The following FRMD5 variants were observed in gnomAD, a reference collection of about 807,000 sequenced individuals.
The protein encoded by FRMD5 is FERM domain containing 5.
In FRMD5, 20 loss-of-function variants were observed where a neutral mutation model predicts 69.0. That is an observed-to-expected ratio of 0.29 (90% CI 0.20 to 0.42). FRMD5 has a LOEUF of 0.42. Ranked by LOEUF, FRMD5 falls within the 10% of genes least tolerant of loss-of-function variation. The pLI, the probability that FRMD5 is intolerant of heterozygous loss-of-function variation, is 1.00. For missense variants in FRMD5, 595 were observed against 708.6 expected (o/e 0.84, Z 1.82); for synonymous variants, 271 against 260.1 (o/e 1.04, Z -0.40).
At chr15:44,055,651 A>G (rs1381828092) in intron 1 of FRMD5, among the ~76,000 whole-genome samples, 1 of 152,220 alleles carries the variant, frequency 6.6e-6, no homozygotes, top group African/African-American at 2.4e-5. Flanking sequence ...TCTTCAGGAA[A>G]GGAAATATGA....
chr15:43,997,421 T>A lies in FRMD5; in HGVS notation c.103-73112A>T, dbSNP rs1271678094. Among the ~76,000 whole-genome samples, 3 of 152,240 alleles carry A rather than the reference T, an allele frequency of 2.0e-5. 1 individual carries two copies. On this transcript the variant is annotated intron_variant, in intron 1 of 13. Transcript: ENST00000417257. ...CAAGCTCAAAAGAAATTCCCCATTCTGCAGTAAGGTTGCAAAGGATATATT... is the reference window on the plus strand; with the variant it reads ...CAAGCTCAAAAGAAATTCCCCATTCAGCAGTAAGGTTGCAAAGGATATATT...
intron 1 of FRMD5, among the ~76,000 whole-genome samples, chr15:44,089,976 T>C (rs538165040): frequency 6.6e-6 from 1 of 152,192 alleles, no homozygotes; most frequent in East Asian, 1.9e-4. Context: ...AGCAAAGGCC[T>C]CCATCACAGT....
At chr15:44,066,761 T>G (rs2140400172) in intron 1 of FRMD5, among the ~76,000 whole-genome samples, 1 of 152,202 alleles carries the variant, frequency 6.6e-6, no homozygotes, top group South Asian at 2.1e-4. Flanking sequence ...AAGGGGAGAC[T>G]TTGGAGTTGG....
intron 1 of FRMD5, among the ~76,000 whole-genome samples, chr15:44,108,848 C>T (rs1371126335): frequency 1.3e-5 from 2 of 151,830 alleles, no homozygotes; most frequent in African/African-American, 4.8e-5. Context: ...GTAGTCCCAG[C>T]TACTTGGGAG....
intron 1 of FRMD5, among the ~76,000 whole-genome samples, chr15:44,082,753 T>C (rs1220874368): frequency 2.0e-5 from 3 of 151,974 alleles, no homozygotes; most frequent in Non-Finnish European, 1.5e-5. Context: ...ATGTTGGTAC[T>C]TAGAGGAAAA....
rs937434931 is a variant in FRMD5, at chr15:43,912,296, A to G, written c.330-2317T>C. On this transcript the variant is annotated intron_variant, in intron 4 of 13. Coordinates refer to ENST00000417257, the MANE Select transcript of FRMD5 (RefSeq NM_032892.5). ...CTACTCTGCCCAAATGTTTGCCAAG[A>G]AAAACGAAAGGAAAAAAGACATCAT... 5.9e-5 allele frequency among the ~76,000 whole-genome samples: 9 copies of G among 152,280 alleles called. No homozygotes were observed. In the Middle Eastern group the frequency reaches 0.014, roughly 230 times the overall value.
intron 1 of FRMD5, among the ~76,000 whole-genome samples, chr15:44,115,339 GCACTACT>G (rs1288934256): frequency 1.3e-5 from 2 of 152,062 alleles, no homozygotes; most frequent in Non-Finnish European, 2.9e-5. Context: ...GTAGTTTTCT[GCACTACT>G]CAAACATATA....
chr15:43,910,292 A>C (rs1431328104), intron 4 of FRMD5, among the ~76,000 whole-genome samples: 1 of 152,060 alleles, frequency 6.6e-6, no homozygotes, highest in Non-Finnish European at 1.5e-5. Flanking sequence ...GCCCCAGTCG[A>C]TCTGGTGCCG....
At chr15:43,927,860 G>A (rs1300329595) in intron 1 of FRMD5, among the ~76,000 whole-genome samples, 2 of 152,090 alleles carry the variant, frequency 1.3e-5, no homozygotes, top group African/African-American at 2.4e-5. Context: ...GATAGCTATA[G>A]GGAAAACATG....
At chr15:44,181,501 A>G (rs1452077989) in intron 1 of FRMD5, among the ~76,000 whole-genome samples, 3 of 152,160 alleles carry the variant, frequency 2.0e-5, no homozygotes, top group African/African-American at 7.2e-5. Context: ...TTAGCACTGA[A>G]ATTTAATTCA....
At chr15:44,080,496 C>T (rs897052117) in intron 1 of FRMD5, among the ~76,000 whole-genome samples, 2 of 152,040 alleles carry the variant, frequency 1.3e-5, no homozygotes, top group East Asian at 1.9e-4. Flanking sequence ...CATTTCTCTA[C>T]TCAAAAGTTG....
chr15:43,962,380 A>C (rs1222594358), intron 1 of FRMD5, among the ~76,000 whole-genome samples: 1 of 152,226 alleles, frequency 6.6e-6, no homozygotes, highest in South Asian at 2.1e-4. Flanking sequence ...GGAGAACTAC[A>C]AACCACTGTT....
intron 1 of FRMD5, among the ~76,000 whole-genome samples, chr15:44,136,939 A>T (rs1029469644): frequency 9.8e-5 from 15 of 152,338 alleles, no homozygotes; most frequent in South Asian, 6.2e-4. Flanking sequence ...ATAAAAAATT[A>T]AAAAAATTCT....
intron 1 of FRMD5, among the ~76,000 whole-genome samples, chr15:43,941,450 T>A (rs1040085645): frequency 5.9e-5 from 9 of 152,246 alleles, no homozygotes; most frequent in African/African-American, 1.7e-4. Flanking sequence ...AAGTTTTAGA[T>A]GCTCTTTTCT....
chr15:43,957,464 C>T (rs1324857555), intron 1 of FRMD5, among the ~76,000 whole-genome samples: 1 of 152,210 alleles, frequency 6.6e-6, no homozygotes, highest in Non-Finnish European at 1.5e-5. Flanking sequence ...TCCCAAAGTG[C>T]TGGGATTATG....
chr15:43,874,319 C>T lies in FRMD5; in HGVS notation c.1279G>A (p.Ala427Thr), dbSNP rs758583807. 2.5e-6 allele frequency: 4 copies of T among 1,614,098 alleles called. No individual in the cohort carries two copies. The highest frequency in any genetic ancestry group is 8.5e-7 in the Non-Finnish European group (1 of 1,180,050). Residue 427 changes from alanine to threonine, a missense_variant, in exon 14 of 14, where the codon GCA becomes ACA. Coordinates refer to ENST00000417257, the MANE Select transcript of FRMD5 (RefSeq NM_032892.5). ...AVIADEAYSP[A>T]DSVLPTPVAE... is the part of the protein sequence containing the mutation. Reference sequence around the variant, plus strand: ...ACAGGGGTGGGCAGCACGCTGTCTGCAGGGCTGTAGGCCTCGTCTGCAATC... The same window carrying T: ...ACAGGGGTGGGCAGCACGCTGTCTGTAGGGCTGTAGGCCTCGTCTGCAATC...
rs188433588 is a variant in FRMD5, at chr15:44,002,903, A to T, written c.103-78594T>A. Among the ~76,000 whole-genome samples, 12 of 152,106 alleles carry T rather than the reference A, an allele frequency of 7.9e-5. No homozygotes were observed. The East Asian group carries it at 2.3e-3, about 29-fold the overall frequency. ...TAGTCTCCCCCCTTTCCATACTTGT[A>T]ACTCCCTTTTCTAACAATGAGAGAC... On this transcript the variant is annotated intron_variant, in intron 1 of 13. Transcript: ENST00000417257.
intron 6 of FRMD5, among the ~76,000 whole-genome samples, chr15:43,904,934 C>T (rs538291752): frequency 4.6e-5 from 7 of 152,032 alleles, no homozygotes; most frequent in Admixed American, 2.0e-4. Flanking sequence ...TGTGCAAAGT[C>T]GGGGACTCCA....
Position 43,892,058 on chromosome 15 carries a change from T to C in FRMD5, c.651A>G (p.Gly217=), listed in dbSNP as rs2088806226. 1.2e-6 allele frequency: 2 copies of C among 1,613,892 alleles called. No homozygotes were observed. Among genetic ancestry groups the C allele is most frequent in the South Asian group, 2.2e-5 (2 of 91,076 alleles). Residue 217 remains glycine (G), a synonymous_variant, in exon 8 of 14, where the codon GGA becomes GGG. Coordinates refer to ENST00000417257, the MANE Select transcript of FRMD5 (RefSeq NM_032892.5). ...VDPHPCKDVS[G]NAAFLAFTPF... is the part of the protein sequence containing the mutation. ...GAGTGAAGGCCAGAAATGCAGCATT[T>C]CCTGACACGTCCTGCAACACAGAAA...
Sources: gnomAD v4.1 joint callset for allele counts (sites outside exome capture counted in the v4.1 genomes callset) on GRCh38, gnomAD v4.1.1 for gene constraint, MANE v1.5 for transcripts, NCBI Gene and HGNC (gene_info 2026-07-23, HGNC 2026-07-21) for gene names.